Variants in SPOCK3 observed in about 807,000 individuals in gnomAD.
SPOCK3 encodes the protein testican-3.
A neutral mutation model predicts 56.6 loss-of-function variants in SPOCK3; 30 were observed. That is an observed-to-expected ratio of 0.53 (90% CI 0.40 to 0.72). The LOEUF (loss-of-function observed/expected upper bound fraction) is 0.72, where lower values mean the gene tolerates loss of function less well. Ranked by LOEUF, SPOCK3 falls within the 30% of genes least tolerant of loss-of-function variation. SPOCK3 has a pLI of 0.00. For synonymous variants in SPOCK3, 196 were observed against 183.3 expected (o/e 1.07, Z -0.56); for missense variants, 527 against 530.0 (o/e 0.99, Z 0.06).
At chr4:166,884,774 G>A (rs1415401984) in intron 6 of SPOCK3, among the ~76,000 whole-genome samples, 1 of 151,694 alleles carries the variant, frequency 6.6e-6, no homozygotes, top group African/African-American at 2.4e-5. Context: ...CAGCAGTGAA[G>A]GACTGGAATT....
At chr4:166,799,226 A>C (rs1339047226) in intron 6 of SPOCK3, among the ~76,000 whole-genome samples, 1 of 152,198 alleles carries the variant, frequency 6.6e-6, no homozygotes. Context: ...TACGTGAGCA[A>C]AATGGAGAAG....
intron 2 of SPOCK3, among the ~76,000 whole-genome samples, chr4:167,208,861 T>C (rs1734598345): frequency 6.6e-6 from 1 of 152,156 alleles, no homozygotes; most frequent in African/African-American, 2.4e-5. Context: ...AACAATATCT[T>C]GATAAGGAAA....
chr4:166,949,565 A>G (rs1742252837), intron 4 of SPOCK3, among the ~76,000 whole-genome samples: 1 of 151,742 alleles, frequency 6.6e-6, no homozygotes, highest in African/African-American at 2.4e-5. Flanking sequence ...AACAGACAGG[A>G]CCCTTAGCTG....
rs1307588407 is a variant in SPOCK3 at position 166,767,823 on chromosome 4, T to C, written c.710-13094A>G. On this transcript the variant is annotated intron_variant, in intron 7 of 10. Transcript: ENST00000357545. Reference sequence around the variant, plus strand: ...CTTCCATTATTATTGTGTGGGAGTCTAAGTCTCTTTGTAGATCTCTAAGTA... The same window carrying C: ...CTTCCATTATTATTGTGTGGGAGTCCAAGTCTCTTTGTAGATCTCTAAGTA... Among the ~76,000 whole-genome samples, 11 of 152,320 alleles carry C rather than the reference T, an allele frequency of 7.2e-5. 1 individual carries two copies. The South Asian group carries it at 2.3e-3, about 32-fold the overall frequency.
At chr4:166,864,982 A>T (rs906284415) in intron 6 of SPOCK3, among the ~76,000 whole-genome samples, 1 of 152,192 alleles carries the variant, frequency 6.6e-6, no homozygotes, top group Non-Finnish European at 1.5e-5. Context: ...CATAACAAAA[A>T]AAGAAAATTC....
At chr4:167,084,325 C>T (rs531559135) in intron 2 of SPOCK3, among the ~76,000 whole-genome samples, 1 of 152,054 alleles carries the variant, frequency 6.6e-6, no homozygotes, top group Non-Finnish European at 1.5e-5. Flanking sequence ...CCATAAGAAA[C>T]TATTGCATAT....
chr4:166,877,253 C>G lies in SPOCK3; in HGVS notation c.589+11877G>C, dbSNP rs186293066. Among the ~76,000 whole-genome samples, 10 of 152,248 alleles carry G rather than the reference C, an allele frequency of 6.6e-5. No individual in the cohort carries two copies. In the South Asian group the frequency reaches 2.1e-3, roughly 32 times the overall value. ...ACCAAAATTCTGAACCTTTCAGAGC[C>G]ATTTTAGACTTACTGATTGTGATTC... On this transcript the variant is annotated intron_variant, in intron 6 of 10. Transcript: ENST00000357545.
intron 6 of SPOCK3, among the ~76,000 whole-genome samples, chr4:166,862,197 G>C (rs535376176): frequency 2.0e-5 from 3 of 152,010 alleles, no homozygotes; most frequent in Admixed American, 6.6e-5. Flanking sequence ...TAGAAAATAA[G>C]TGCAGTAATT....
At chr4:167,011,076 CA>C in intron 3 of SPOCK3, 1 of 261,220 alleles carries the variant, frequency 3.8e-6, no homozygotes, top group Non-Finnish European at 7.9e-6. Flanking sequence ...TCAATTATAT[CA>C]AAACTCACAA....
intron 3 of SPOCK3, among the ~76,000 whole-genome samples, chr4:167,016,568 G>A (rs1223668980): frequency 6.7e-6 from 1 of 150,332 alleles, no homozygotes; most frequent in East Asian, 2.0e-4. Context: ...CTTTTAATTG[G>A]TCTTGCTCTG....
At chr4:167,105,714 A>T (rs1199292389) in intron 2 of SPOCK3, among the ~76,000 whole-genome samples, 1 of 151,932 alleles carries the variant, frequency 6.6e-6, no homozygotes, top group East Asian at 1.9e-4. Flanking sequence ...AAAAAATTAA[A>T]AAAAGACCCA....
chr4:166,812,366 AAAGT>A (rs1218078221), intron 6 of SPOCK3, among the ~76,000 whole-genome samples: 2 of 151,964 alleles, frequency 1.3e-5, no homozygotes, highest in African/African-American at 4.8e-5. Flanking sequence ...GCTTATATGA[AAAGT>A]AAAGTTAACA....
intron 2 of SPOCK3, 22 bp downstream of exon 2, chr4:167,233,963 G>T (rs771400266): frequency 1.9e-6 from 3 of 1,604,998 alleles, no homozygotes; most frequent in Admixed American, 3.3e-5. Flanking sequence ...TGTGCCCGGG[G>T]ATGTGGGTGC....
intron 4 of SPOCK3, among the ~76,000 whole-genome samples, chr4:166,949,104 C>T (rs553233939): frequency 1.6e-4 from 25 of 152,250 alleles, no homozygotes; most frequent in East Asian, 1.4e-3. Context: ...CATCTTCCAT[C>T]GCTGATACCC....
At chr4:166,833,766 C>T (rs1049750213) in intron 6 of SPOCK3, among the ~76,000 whole-genome samples, 1 of 152,088 alleles carries the variant, frequency 6.6e-6, no homozygotes, top group Non-Finnish European at 1.5e-5. Flanking sequence ...GCACCTAGAA[C>T]CTGTGGTGTG....
At chr4:166,974,215 C>T (rs982282870) in intron 4 of SPOCK3, among the ~76,000 whole-genome samples, 4 of 151,978 alleles carry the variant, frequency 2.6e-5, no homozygotes, top group Non-Finnish European at 5.9e-5. Context: ...TTATTTTTAC[C>T]TCATCATGCA....
At chr4:167,019,860 C>T (rs1751000381) in intron 3 of SPOCK3, among the ~76,000 whole-genome samples, 1 of 152,030 alleles carries the variant, frequency 6.6e-6, no homozygotes, top group Non-Finnish European at 1.5e-5. Flanking sequence ...TAGACTCATC[C>T]CATAATTATC....
intron 2 of SPOCK3, among the ~76,000 whole-genome samples, chr4:167,129,383 A>G (rs1401121029): frequency 6.6e-6 from 1 of 152,198 alleles, no homozygotes; most frequent in Admixed American, 6.5e-5. Flanking sequence ...TACTGGCAAC[A>G]CACTCTTATC....
intron 2 of SPOCK3, among the ~76,000 whole-genome samples, chr4:167,088,940 A>G (rs749046283): frequency 6.6e-6 from 1 of 152,190 alleles, no homozygotes; most frequent in Non-Finnish European, 1.5e-5. Context: ...TAAAGAACTA[A>G]TCAATCATTC....
Sources: allele counts gnomAD v4.1 joint callset (sites outside exome capture counted in the v4.1 genomes callset), GRCh38; gene constraint gnomAD v4.1.1; transcripts MANE v1.5; gene names NCBI Gene and HGNC (gene_info 2026-07-23, HGNC 2026-07-21).